RNF13: variants seen among roughly 807,000 people sequenced by gnomAD.
RNF13 encodes E3 ubiquitin-protein ligase RNF13.
In RNF13, 19 loss-of-function variants were observed where a neutral mutation model predicts 37.7. The ratio of observed to expected loss-of-function variants is 0.50; its 90% CI spans 0.35 to 0.74. The LOEUF is 0.74. Among genes scored for constraint, RNF13 ranks in the 30% least tolerant of loss-of-function variants. RNF13 has a pLI of 0.01. For synonymous variants in RNF13, 144 were observed against 157.8 expected (o/e 0.91, Z 0.65); for missense variants, 375 against 453.0 (o/e 0.83, Z 1.56).
intron 3 of RNF13, among the ~76,000 whole-genome samples, chr3:149,860,694 C>T (rs1051804057): frequency 6.6e-6 from 1 of 152,096 alleles, no homozygotes; most frequent in African/African-American, 2.4e-5. Context: ...CACTTCAGGG[C>T]ATTGAACTAG....
At chr3:149,942,748 G>C (rs1720394958) in intron 8 of RNF13, among the ~76,000 whole-genome samples, 2 of 152,158 alleles carry the variant, frequency 1.3e-5, no homozygotes, top group South Asian at 4.1e-4. Context: ...GAATAGTAGT[G>C]GTGAGTGTGG....
chr3:149,822,932 T>TC (rs1491539534), intron 1 of RNF13, among the ~76,000 whole-genome samples: 1 of 152,120 alleles, frequency 6.6e-6, no homozygotes, highest in Non-Finnish European at 1.5e-5. Context: ...CATTAGTTTT[T>TC]CTGTTTTTTC....
chr3:149,901,826 C>T (rs533409060), intron 5 of RNF13, among the ~76,000 whole-genome samples: 8 of 152,220 alleles, frequency 5.3e-5, no homozygotes, highest in Admixed American at 1.3e-4. Flanking sequence ...AATTACATCT[C>T]AATCTTATAG....
At chr3:149,840,585 G>A (rs1208543636) in intron 1 of RNF13, among the ~76,000 whole-genome samples, 2 of 152,058 alleles carry the variant, frequency 1.3e-5, no homozygotes, top group African/African-American at 4.8e-5. Context: ...TAAGAGTCTC[G>A]ACAAACAGTA....
chr3:149,852,746 G>T (rs755210710), intron 3 of RNF13, 150 bp downstream of exon 3: 98 of 423,474 alleles, frequency 2.3e-4, no homozygotes, highest in Non-Finnish European at 3.7e-4. Flanking sequence ...TTATTCAAAA[G>T]ATATCAGAAA....
At chr3:149,903,917 A>G (rs1365283386) in intron 6 of RNF13, among the ~76,000 whole-genome samples, 1 of 151,502 alleles carries the variant, frequency 6.6e-6, no homozygotes, top group Non-Finnish European at 1.5e-5. Context: ...TACTCTATCT[A>G]TCTATCTATA....
intron 1 of RNF13, among the ~76,000 whole-genome samples, chr3:149,819,910 G>A (rs1719858459): frequency 6.6e-6 from 1 of 151,904 alleles, no homozygotes; most frequent in African/African-American, 2.4e-5. Flanking sequence ...ATCTTCCTGA[G>A]GAAATCAGTC....
chr3:149,866,341 G>A (rs1242963417), intron 3 of RNF13, among the ~76,000 whole-genome samples: 1 of 152,194 alleles, frequency 6.6e-6, no homozygotes, highest in African/African-American at 2.4e-5. Context: ...GATTATTTAT[G>A]CCTCCCCTTT....
rs926061534 is a variant in RNF13 at position 149,960,037 on chromosome 3, A to G, written c.701-19A>G. On this transcript the variant is annotated intron_variant, in intron 8 of 9. Coordinates refer to ENST00000392894, the MANE Select transcript of RNF13 (RefSeq NM_183381.3). Reference sequence around the variant, plus strand: ...TTGAAAGGTGAAAAAATAGTTCTCTACATATTTTCTGTTTTCAGGAGATGA... The same window carrying G: ...TTGAAAGGTGAAAAAATAGTTCTCTGCATATTTTCTGTTTTCAGGAGATGA... 6.4e-7 allele frequency: 1 copy of G among 1,558,704 alleles called. No individual in the cohort carries two copies. Among genetic ancestry groups the G allele is most frequent in the Non-Finnish European group, 8.8e-7 (1 of 1,130,832 alleles).
At chr3:149,818,940 G>A (rs958452222) in intron 1 of RNF13, among the ~76,000 whole-genome samples, 4 of 152,074 alleles carry the variant, frequency 2.6e-5, no homozygotes, top group Non-Finnish European at 4.4e-5. Flanking sequence ...AAAATAAAAA[G>A]AGAATCCCCT....
intron 1 of RNF13, among the ~76,000 whole-genome samples, chr3:149,844,319 C>T (rs746182452): frequency 2.0e-4 from 30 of 152,174 alleles, no homozygotes; most frequent in Non-Finnish European, 3.8e-4. Flanking sequence ...CAGAGTAAAT[C>T]AGTGTAAGCG....
intron 8 of RNF13, among the ~76,000 whole-genome samples, chr3:149,923,433 A>G (rs979448000): frequency 6.6e-6 from 1 of 152,086 alleles, no homozygotes; most frequent in Non-Finnish European, 1.5e-5. Context: ...TTTGAAGATT[A>G]GGAATTACTT....
intron 1 of RNF13, among the ~76,000 whole-genome samples, chr3:149,817,566 G>C (rs1719594087): frequency 6.6e-6 from 1 of 152,140 alleles, no homozygotes; most frequent in Non-Finnish European, 1.5e-5. Context: ...AAAACCTTTA[G>C]AATCAGAGAC....
chr3:149,833,006 C>T (rs1379984143), intron 1 of RNF13, among the ~76,000 whole-genome samples: 3 of 152,030 alleles, frequency 2.0e-5, no homozygotes, highest in African/African-American at 7.2e-5. Context: ...AAAGAGGGAA[C>T]ACCTCCTAAC....
At chr3:149,812,977 G>C (rs1456161284), upstream of RNF13, 1 of 152,532 alleles carries the variant, frequency 6.6e-6, no homozygotes, top group Non-Finnish European at 1.5e-5. Flanking sequence ...AGCTTCTTCA[G>C]CCGCGCTCCA....
chr3:149,953,816 T>C (rs113052061), intron 8 of RNF13, among the ~76,000 whole-genome samples: 50 of 152,248 alleles, frequency 3.3e-4, no homozygotes, highest in Admixed American at 5.9e-4. Context: ...ATTCACAAGG[T>C]GTGTGGTGGG....
At chr3:149,922,666 CTT>C (rs1321594995) in intron 8 of RNF13, among the ~76,000 whole-genome samples, 3 of 152,092 alleles carry the variant, frequency 2.0e-5, no homozygotes, top group Non-Finnish European at 4.4e-5. Context: ...TATATCATCA[CTT>C]ATATATATCA....
intron 8 of RNF13, among the ~76,000 whole-genome samples, chr3:149,948,931 G>A (rs1396448182): frequency 6.6e-6 from 1 of 152,128 alleles, no homozygotes; most frequent in African/African-American, 2.4e-5. Context: ...GGGGGACTGA[G>A]GCAAGAGGAT....
intron 8 of RNF13, among the ~76,000 whole-genome samples, chr3:149,958,930 C>T (rs145928948): frequency 8.3e-4 from 126 of 152,268 alleles, no homozygotes; most frequent in African/African-American, 2.9e-3. Flanking sequence ...CGGGCTTCTC[C>T]TGAATGTGTG....
Sources: gnomAD v4.1 joint callset for allele counts (sites outside exome capture counted in the v4.1 genomes callset) on GRCh38, gnomAD v4.1.1 for gene constraint, MANE v1.5 for transcripts, NCBI Gene and HGNC (gene_info 2026-07-23, HGNC 2026-07-21) for gene names.